The following AASS variants were observed in gnomAD, a reference collection of about 807,000 sequenced individuals.
AASS encodes alpha-aminoadipic semialdehyde synthase, mitochondrial.
A neutral mutation model predicts 105.4 loss-of-function variants in AASS; 86 were observed. The observed-to-expected ratio is 0.82, with a 90% CI of 0.69 to 0.98. AASS has a LOEUF of 0.98. AASS is among the 50% of genes least tolerant of loss of function. The probability of loss-of-function intolerance (pLI) is 0.00; values close to 1 mark genes in which losing one functional copy is unlikely to be tolerated. For synonymous variants in AASS, 381 were observed against 394.8 expected (o/e 0.96, Z 0.41); for missense variants, 1,048 against 1,143.2 (o/e 0.92, Z 1.20).
At chr7:122,077,684 G>T (rs1221492461) in intron 23 of AASS, among the ~76,000 whole-genome samples, 154 bp downstream of exon 23, 1 of 152,180 alleles carries the variant, frequency 6.6e-6, no homozygotes, top group Non-Finnish European at 1.5e-5. Context: ...CATCAAAAGG[G>T]GACCTCCCAG....
At chr7:122,140,275 GGAGGTC>G in intron 1 of AASS, among the ~76,000 whole-genome samples, 1 of 151,824 alleles carries the variant, frequency 6.6e-6, no homozygotes, top group Non-Finnish European at 1.5e-5. Context: ...CACGAGGTCA[GGAGGTC>G]GAGACCGTCC....
chr7:122,140,870 A>G (rs553105974), intron 1 of AASS, among the ~76,000 whole-genome samples: 2 of 150,654 alleles, frequency 1.3e-5, no homozygotes, highest in Admixed American at 1.3e-4. Context: ...TCACCCTTCC[A>G]AGTAACTAAA....
chr7:122,078,424 C>T (rs868509773), intron 22 of AASS, among the ~76,000 whole-genome samples: 6 of 151,766 alleles, frequency 4.0e-5, no homozygotes, highest in East Asian at 3.9e-4. Context: ...CCATCCTGGC[C>T]AACATGGTGA....
intron 11 of AASS, among the ~76,000 whole-genome samples, chr7:122,102,240 C>T (rs1057118787): frequency 4.9e-4 from 74 of 151,892 alleles, no homozygotes; most frequent in Non-Finnish European, 1.0e-4. Flanking sequence ...CATTCACACC[C>T]TCTTCACATT....
chr7:122,077,343 T>G (rs938586234), intron 23 of AASS, among the ~76,000 whole-genome samples: 2 of 152,206 alleles, frequency 1.3e-5, no homozygotes, highest in African/African-American at 4.8e-5. Context: ...TATGCTGAGA[T>G]ATGAAGACTA....
chr7:122,086,079 G>A lies in AASS; in HGVS notation c.2117C>T (p.Thr706Met), dbSNP rs147491865. The A allele has an allele frequency of 7.2e-5, 116 of 1,613,326 alleles. No homozygotes were observed. Among genetic ancestry groups the A allele is most frequent in the South Asian group, 2.1e-4 (19 of 91,076 alleles). Residue 706 changes from threonine (T) to methionine (M), a missense_variant, in exon 19 of 24, where the codon ACG (threonine) becomes ATG (methionine). Thr to Met is a moderately conservative substitution (Grantham distance 81, BLOSUM62 -1). Transcript: ENST00000417368. The part of the protein sequence containing the change: ...NLEGYPNRDS[T>M]KYAEIYGISS... Reference sequence around the variant, plus strand: ...AATGCCATAAATCTCAGCATATTTCGTACTGTCTCTGTTAGGATAGCCTTC... The same window carrying A: ...AATGCCATAAATCTCAGCATATTTCATACTGTCTCTGTTAGGATAGCCTTC...
Position 122,134,285 on chromosome 7 carries a change from CA to C in AASS, c.-15-545del, listed in dbSNP as rs1282673104. 5.3e-5 allele frequency among the ~76,000 whole-genome samples: 8 copies of C among 151,840 alleles called. 1 individual carries two copies. Among genetic ancestry groups the C allele is most frequent in the Admixed American group, 3.9e-4 (6 of 15,274 alleles). On this transcript the variant is annotated intron_variant, in intron 1 of 23. Transcript: ENST00000417368. ...TGAACTGTTTTTTTAAAACAAAAAA[CA>C]AAAAACAAAAAAACTGGTTCACAAT...
rs1415083099 is a variant in AASS, at chr7:122,092,801, T to G, written c.1875+42A>C. Reference sequence around the variant, plus strand: ...ATACTTTGATTCTGTACACAAGAATTTAGACATTTTAATGTTGCCTTTGGG... The same window carrying G: ...ATACTTTGATTCTGTACACAAGAATGTAGACATTTTAATGTTGCCTTTGGG... On this transcript the variant is annotated intron_variant, in intron 17 of 23. Transcript: ENST00000417368. The G allele has an allele frequency of 2.8e-6, 4 of 1,452,582 alleles. No homozygotes were observed. The African/African-American group carries it at 4.2e-5, about 15-fold the overall frequency. 90.0% of individuals were successfully genotyped at this position (1,452,582 alleles called of 1,614,324 possible). A position where few individuals can be genotyped will look rare whatever the true frequency, so the allele number is the denominator to read the frequency against.
Position 122,118,420 on chromosome 7 carries a change from T to C in AASS, c.574A>G (p.Ser192Gly), listed in dbSNP as rs1418992656. The C allele has an allele frequency of 6.2e-7, 1 of 1,614,096 alleles. No individual in the cohort carries two copies. Among genetic ancestry groups the C allele is most frequent in the African/African-American group, 1.3e-5 (1 of 74,952 alleles). The stretch of plus-strand genomic sequence containing the variant: ...TCACGGACAGCTTGCACAGCCTGAC[T>C]GCTATTCCTGTAGTTATGAGCCATG... ...IGMAHNYRNS[S>G]QAVQAVRDAG... Residue 192 changes from serine (S) to glycine (G), a missense_variant, in exon 6 of 24, where the codon AGT (serine) becomes GGT (glycine). Coordinates refer to ENST00000417368, the MANE Select transcript of AASS (RefSeq NM_005763.4).
At position 122,081,500 on chromosome 7, in the gene AASS, C is replaced by T. The variant is rs1793319137; in HGVS notation, c.2280G>A (p.Trp760Ter). 6.2e-7 allele frequency: 1 copy of T among 1,612,098 alleles called. No homozygotes were observed. The highest frequency in any genetic ancestry group is 1.7e-5 in the Admixed American group (1 of 59,990). The change falls in exon 20 of 24, where the codon TGG becomes TGA. Residue 760 changes from tryptophan to a stop codon, truncating the protein, a stop_gained and splice_region_variant. Coordinates refer to ENST00000417368, the MANE Select transcript of AASS (RefSeq NM_005763.4). LOFTEE classifies it high-confidence loss of function. ...AFRPEANPLT[W>*]KQLLCDLVGI... Reference sequence around the variant, plus strand: ...TAGAACGTAATTCGGAGTCACTCACCCAGGTGAGAGGGTTGGCCTCAGGTC... The same window carrying T: ...TAGAACGTAATTCGGAGTCACTCACTCAGGTGAGAGGGTTGGCCTCAGGTC...
At chr7:122,081,679 T>A in intron 19 of AASS, 84 bp from the exon 20 acceptor site, 1 of 891,098 alleles carries the variant, frequency 1.1e-6, no homozygotes, top group Non-Finnish European at 1.8e-6. Context: ...GAGGGATATA[T>A]CTTTGTAACT....
At chr7:122,113,067 T>C (rs762267509) in intron 11 of AASS, 51 bp downstream of exon 11, 4 of 1,403,804 alleles carry the variant, frequency 2.8e-6, no homozygotes, top group Non-Finnish European at 4.0e-6. Flanking sequence ...AATTACTCAA[T>C]TATTCAATTT....
intron 23 of AASS, among the ~76,000 whole-genome samples, chr7:122,077,230 A>G (rs1243096955): frequency 6.6e-6 from 1 of 152,104 alleles, no homozygotes; most frequent in East Asian, 1.9e-4. Context: ...CTTGAGGGTC[A>G]AACAGAGGCA....
chr7:122,114,130 A>G (rs1795062792), intron 9 of AASS, among the ~76,000 whole-genome samples: 1 of 152,190 alleles, frequency 6.6e-6, no homozygotes, highest in South Asian at 2.1e-4. Context: ...ATTACGAACA[A>G]AAGTTTCAGT....
At chr7:122,090,124 T>C (rs931590269) in intron 18 of AASS, among the ~76,000 whole-genome samples, 1 of 152,166 alleles carries the variant, frequency 6.6e-6, no homozygotes, top group African/African-American at 2.4e-5. Flanking sequence ...ATCCGGTAGA[T>C]CTTTTCAACT....
At position 122,076,123 on chromosome 7, in the gene AASS, G is replaced by T; in HGVS notation, c.*366C>A. 1 of 220,866 alleles carries T rather than the reference G, an allele frequency of 4.5e-6. No individual in the cohort carries two copies. The allele number at this position is 220,866 out of a possible 1,614,324, so 13.7% of individuals were successfully genotyped here. A position where few individuals can be genotyped will look rare whatever the true frequency, so the allele number is the denominator to read the frequency against. On this transcript the variant is annotated 3_prime_UTR_variant, in exon 24 of 24. Transcript: ENST00000417368. The stretch of plus-strand genomic sequence containing the variant: ...CAGGAGGCGGAGCTTGCAGTGAGCC[G>T]AGATCGCGCCACTGCACTCCAGCCT...
At position 122,077,991 on chromosome 7, in the gene AASS, C is replaced by T. The variant is rs760261179; in HGVS notation, c.2509G>A (p.Val837Met). 5 of 1,614,148 alleles carry T rather than the reference C, an allele frequency of 3.1e-6. No homozygotes were observed. Among genetic ancestry groups the T allele is most frequent in the Non-Finnish European group, 2.5e-6 (3 of 1,179,976 alleles). ...SYGPEEKDMI[V>M]MRDSFGIRHP... ...CTGATTCCAAAGCTGTCTCTCATCACAATCATATCTTTTTCTTCAGGACCT... is the reference window on the plus strand; with the variant it reads ...CTGATTCCAAAGCTGTCTCTCATCATAATCATATCTTTTTCTTCAGGACCT... Residue 837 changes from valine to methionine, a missense_variant, in exon 23 of 24, where the codon GTG (valine) becomes ATG (methionine). Val to Met is a conservative substitution (Grantham distance 21, BLOSUM62 1). Coordinates refer to ENST00000417368, the MANE Select transcript of AASS (RefSeq NM_005763.4).
At chr7:122,142,634 T>C (rs1369562034) in intron 1 of AASS, among the ~76,000 whole-genome samples, 2 of 152,210 alleles carry the variant, frequency 1.3e-5, no homozygotes, top group African/African-American at 4.8e-5. Flanking sequence ...ATGAATGTGG[T>C]AATAATGTTT....
chr7:122,135,131 C>T (rs539376855), intron 1 of AASS, among the ~76,000 whole-genome samples: 6 of 151,686 alleles, frequency 4.0e-5, no homozygotes, highest in South Asian at 2.1e-4. Flanking sequence ...TCATGGGGTG[C>T]GGGGAGGGGT....
Sources: gnomAD v4.1 joint callset for allele counts (sites outside exome capture counted in the v4.1 genomes callset) on GRCh38, gnomAD v4.1.1 for gene constraint, MANE v1.5 for transcripts, NCBI Gene and HGNC (gene_info 2026-07-23, HGNC 2026-07-21) for gene names.